STAU2: variants seen among roughly 807,000 people sequenced by gnomAD.
STAU2 encodes staufen double-stranded RNA binding protein 2, also known as double-stranded RNA-binding protein Staufen homolog 2.
Under a neutral mutation model 65.9 loss-of-function variants are expected in STAU2, and 20 were observed. That is an observed-to-expected ratio of 0.30 (90% CI 0.21 to 0.44). The LOEUF (loss-of-function observed/expected upper bound fraction) is 0.44, where lower values mean the gene tolerates loss of function less well. Ranked by LOEUF, STAU2 falls within the 20% of genes least tolerant of loss-of-function variation. The probability of loss-of-function intolerance (pLI) is 1.00; values close to 1 mark genes in which losing one functional copy is unlikely to be tolerated. For missense variants in STAU2, 558 were observed against 683.9 expected (o/e 0.82, Z 2.05); for synonymous variants, 232 against 233.9 (o/e 0.99, Z 0.07).
intron 13 of STAU2, among the ~76,000 whole-genome samples, chr8:73,483,889 TTGAC>T (rs1269510177): frequency 1.3e-5 from 2 of 152,164 alleles, no homozygotes; most frequent in Non-Finnish European, 2.9e-5. Flanking sequence ...GTATCAGACT[TTGAC>T]TGAAGTGGTG....
At chr8:73,724,754 T>A (rs1254329199) in intron 3 of STAU2, among the ~76,000 whole-genome samples, 2 of 151,324 alleles carry the variant, frequency 1.3e-5, no homozygotes, top group Non-Finnish European at 2.9e-5. Context: ...CAATGAAGAC[T>A]ATAACTCACT....
chr8:73,721,447 C>A (rs924840503), intron 3 of STAU2, among the ~76,000 whole-genome samples: 2 of 152,090 alleles, frequency 1.3e-5, no homozygotes, highest in Non-Finnish European at 2.9e-5. Flanking sequence ...AACAGTTACT[C>A]AAGTCTACTA....
chr8:73,542,072 T>C (rs1806580505), intron 13 of STAU2, among the ~76,000 whole-genome samples: 2 of 136,314 alleles, frequency 1.5e-5, no homozygotes, highest in African/African-American at 5.3e-5. Flanking sequence ...ACACCATTTT[T>C]TAACCATTAT....
chr8:73,634,976 ACACTT>A (rs1814384506), intron 6 of STAU2, among the ~76,000 whole-genome samples: 1 of 152,234 alleles, frequency 6.6e-6, no homozygotes, highest in African/African-American at 2.4e-5. Context: ...ACTAGAATGT[ACACTT>A]CATGAGGACA....
intron 13 of STAU2, among the ~76,000 whole-genome samples, chr8:73,510,557 A>G (rs567101221): frequency 6.6e-6 from 1 of 152,272 alleles, no homozygotes; most frequent in South Asian, 2.1e-4. Flanking sequence ...CACACTCAAG[A>G]CTGGGTAATT....
chr8:73,508,474 T>C (rs908778407), intron 13 of STAU2, among the ~76,000 whole-genome samples: 1 of 152,022 alleles, frequency 6.6e-6, no homozygotes, highest in South Asian at 2.1e-4. Flanking sequence ...CCTAAAACAA[T>C]TACAATAGTA....
intron 4 of STAU2, among the ~76,000 whole-genome samples, chr8:73,694,233 A>G (rs1250301866): frequency 6.6e-6 from 1 of 152,238 alleles, no homozygotes; most frequent in Non-Finnish European, 1.5e-5. Context: ...AAAATTGACA[A>G]TTAAAGTCAG....
chr8:73,453,509 C>T (rs1008330416), intron 13 of STAU2, among the ~76,000 whole-genome samples: 12 of 152,248 alleles, frequency 7.9e-5, no homozygotes, highest in Non-Finnish European at 1.6e-4. Context: ...CAAATAGATT[C>T]AGCAAACACA....
intron 13 of STAU2, among the ~76,000 whole-genome samples, chr8:73,507,896 T>C (rs1387032760): frequency 6.6e-6 from 1 of 152,234 alleles, no homozygotes; most frequent in Non-Finnish European, 1.5e-5. Flanking sequence ...TTAAACCTTA[T>C]GAACCAACTG....
chr8:73,478,860 T>C (rs1820457465), intron 13 of STAU2, among the ~76,000 whole-genome samples: 1 of 152,186 alleles, frequency 6.6e-6, no homozygotes, highest in Non-Finnish European at 1.5e-5. Context: ...ATAAATAGAT[T>C]AGATAGACAG....
intron 5 of STAU2, among the ~76,000 whole-genome samples, chr8:73,675,051 C>CA (rs1312374041): frequency 6.6e-6 from 1 of 151,460 alleles, no homozygotes; most frequent in Non-Finnish European, 1.5e-5. Context: ...AGCCACAAAA[C>CA]AAGTCACAGT....
chr8:73,449,027 G>A (rs750304697), intron 13 of STAU2, among the ~76,000 whole-genome samples: 2 of 152,232 alleles, frequency 1.3e-5, no homozygotes, highest in Non-Finnish European at 2.9e-5. Flanking sequence ...AGCTGGAGTC[G>A]GCCCCCGGCG....
intron 13 of STAU2, chr8:73,550,863 A>C (rs1807283381): frequency 1.0e-6 from 1 of 987,444 alleles, no homozygotes; most frequent in Non-Finnish European, 1.2e-6. Context: ...GTGAAAAAAA[A>C]ATCCGAACAT....
chr8:73,651,489 CG>C (rs1212954436), intron 6 of STAU2: 4 of 698,292 alleles, frequency 5.7e-6, no homozygotes, highest in Non-Finnish European at 1.1e-5. Context: ...AGCCTCTTCT[CG>C]GAGTCACTGC....
At chr8:73,425,197 T>TAAATAAGGCC (rs1417407819) in intron 13 of STAU2, among the ~76,000 whole-genome samples, 1 of 152,226 alleles carries the variant, frequency 6.6e-6, no homozygotes, top group Non-Finnish European at 1.5e-5. Context: ...GAATGTGGCC[T>TAAATAAGGCC]TATTTAAAAA....
chr8:73,686,917 G>C (rs1419847724), intron 5 of STAU2, among the ~76,000 whole-genome samples: 2 of 147,784 alleles, frequency 1.4e-5, no homozygotes, highest in Non-Finnish European at 3.0e-5. Flanking sequence ...TTTTGAGACA[G>C]AGTCTTGCTC....
At chr8:73,578,490 A>G (rs1354436162) in intron 12 of STAU2, among the ~76,000 whole-genome samples, 1 of 152,232 alleles carries the variant, frequency 6.6e-6, no homozygotes, top group Non-Finnish European at 1.5e-5. Context: ...TCAATGTAAA[A>G]GAAGGATGAT....
chr8:73,684,699 C>A (rs1818670224), intron 5 of STAU2, among the ~76,000 whole-genome samples: 1 of 152,066 alleles, frequency 6.6e-6, no homozygotes, highest in African/African-American at 2.4e-5. Context: ...AAAATCTTCA[C>A]AAACTATGTA....
At chr8:73,716,653 G>C (rs1821272011) in intron 3 of STAU2, among the ~76,000 whole-genome samples, 1 of 140,236 alleles carries the variant, frequency 7.1e-6, no homozygotes, top group Non-Finnish European at 1.5e-5. Flanking sequence ...AATGAATACT[G>C]TTAATTAACT....
Sources: gnomAD v4.1 joint callset for allele counts (sites outside exome capture counted in the v4.1 genomes callset) on GRCh38, gnomAD v4.1.1 for gene constraint, MANE v1.5 for transcripts, NCBI Gene and HGNC (gene_info 2026-07-23, HGNC 2026-07-21) for gene names.